The following FHIT variants were observed in gnomAD, a reference collection of about 807,000 sequenced individuals.
The protein encoded by FHIT is fragile histidine triad diadenosine triphosphatase, also known as bis(5'-adenosyl)-triphosphatase.
Under a neutral mutation model 17.9 loss-of-function variants are expected in FHIT, and 19 were observed. That is an observed-to-expected ratio of 1.06 (90% confidence interval 0.74 to 1.56). The LOEUF is 1.56. Ranked by LOEUF, FHIT falls within the 40% of genes most tolerant of loss-of-function variation. The pLI is 0.00. For missense variants in FHIT, 248 were observed against 189.2 expected (o/e 1.31, Z -1.82); for synonymous variants, 81 against 69.7 (o/e 1.16, Z -0.81).
chr3:59,904,124 A>G (rs1704469997), intron 8 of FHIT, among the ~76,000 whole-genome samples: 1 of 146,886 alleles, frequency 6.8e-6, no homozygotes. Context: ...TAAAGGGGCT[A>G]TTTCTTTATG....
chr3:59,985,733 T>C (rs914602113), intron 7 of FHIT, among the ~76,000 whole-genome samples: 2 of 152,180 alleles, frequency 1.3e-5, no homozygotes, highest in Middle Eastern at 3.4e-3. Flanking sequence ...GGTGAGCAAA[T>C]ATATGTGGCA....
chr3:60,669,495 CA>C (rs2040462843), intron 4 of FHIT, among the ~76,000 whole-genome samples: 1 of 152,204 alleles, frequency 6.6e-6, no homozygotes, highest in Non-Finnish European at 1.5e-5. Context: ...CTTGAACACA[CA>C]AACACACACA....
intron 5 of FHIT, among the ~76,000 whole-genome samples, chr3:60,464,289 A>T (rs1243652557): frequency 1.3e-5 from 2 of 152,184 alleles, no homozygotes; most frequent in Non-Finnish European, 2.9e-5. Context: ...ATTTTGATGC[A>T]GGAATACAAT....
intron 2 of FHIT, among the ~76,000 whole-genome samples, chr3:61,157,961 G>C (rs1248095419): frequency 6.6e-6 from 1 of 151,986 alleles, no homozygotes; most frequent in Admixed American, 6.6e-5. Flanking sequence ...TTTACTTGTT[G>C]GGTTTATGCC....
chr3:60,406,265 A>G (rs1216712844), intron 5 of FHIT, among the ~76,000 whole-genome samples: 1 of 152,224 alleles, frequency 6.6e-6, no homozygotes, highest in Non-Finnish European at 1.5e-5. Context: ...AATACTAAAA[A>G]CAATAAATTA....
chr3:61,161,759 T>C (rs2037702130), intron 2 of FHIT, among the ~76,000 whole-genome samples: 1 of 152,196 alleles, frequency 6.6e-6, no homozygotes, highest in South Asian at 2.1e-4. Flanking sequence ...AAAGACTCTC[T>C]AGCTAGAGGT....
chr3:60,439,159 T>G (rs1430947881), intron 5 of FHIT, among the ~76,000 whole-genome samples: 1 of 152,100 alleles, frequency 6.6e-6, no homozygotes, highest in Non-Finnish European at 1.5e-5. Context: ...TTTACTCCAC[T>G]TTGAAGGAAT....
intron 4 of FHIT, among the ~76,000 whole-genome samples, chr3:60,597,477 T>C (rs1460627965): frequency 6.6e-6 from 1 of 152,140 alleles, no homozygotes; most frequent in Non-Finnish European, 1.5e-5. Flanking sequence ...ACTCAGTTCT[T>C]ACCCGCTGTC....
intron 2 of FHIT, among the ~76,000 whole-genome samples, chr3:61,147,793 C>CTTA (rs926278856): frequency 1.3e-5 from 2 of 151,934 alleles, no homozygotes; most frequent in African/African-American, 4.8e-5. Context: ...ATCATGGCAA[C>CTTA]TTATTCATTT....
intron 5 of FHIT, among the ~76,000 whole-genome samples, chr3:60,180,138 A>T (rs1300894519): frequency 6.6e-6 from 1 of 152,222 alleles, no homozygotes; most frequent in Non-Finnish European, 1.5e-5. Context: ...TTATACAAAG[A>T]CTTGACAAAA....
intron 2 of FHIT, among the ~76,000 whole-genome samples, chr3:61,092,175 T>C (rs2035506979): frequency 6.6e-6 from 1 of 151,962 alleles, no homozygotes; most frequent in Non-Finnish European, 1.5e-5. Flanking sequence ...CTGCTTGGCC[T>C]GGGGAAGGCA....
In FHIT at chr3:60,973,368, T is replaced by A. The variant is rs1489376000; in HGVS notation, c.-111+68679A>T. 2.0e-5 allele frequency among the ~76,000 whole-genome samples: 3 copies of A among 152,208 alleles called. No individual in the cohort carries two copies. The East Asian group carries it at 5.8e-4, about 29-fold the overall frequency. ...CTGTGAGACACTGAGACTGCTACAA[T>A]ATCTGCTTTGCCATTTACTCCTGTA... On this transcript the variant is annotated intron_variant, in intron 3 of 9. Coordinates refer to ENST00000492590, the MANE Select transcript of FHIT (RefSeq NM_002012.4).
chr3:60,863,626 G>C (rs534169607), intron 3 of FHIT, among the ~76,000 whole-genome samples: 13 of 152,268 alleles, frequency 8.5e-5, no homozygotes, highest in African/African-American at 2.6e-4. Context: ...TCATTCATTT[G>C]TTAAAAATAT....
At chr3:60,974,490 C>T (rs549949318) in intron 3 of FHIT, among the ~76,000 whole-genome samples, 2 of 152,114 alleles carry the variant, frequency 1.3e-5, no homozygotes, top group South Asian at 4.1e-4. Context: ...TGGTTATCAC[C>T]ACGTAATGAA....
At chr3:59,841,820 G>T (rs1701544572) in intron 8 of FHIT, among the ~76,000 whole-genome samples, 1 of 152,128 alleles carries the variant, frequency 6.6e-6, no homozygotes, top group African/African-American at 2.4e-5. Flanking sequence ...AGACCTATGG[G>T]ATTAGCAGGG....
At chr3:60,847,626 G>A (rs1702976783) in intron 3 of FHIT, among the ~76,000 whole-genome samples, 1 of 152,046 alleles carries the variant, frequency 6.6e-6, no homozygotes, top group Non-Finnish European at 1.5e-5. Context: ...ACACCCACAA[G>A]CCCCTTTTAC....
chr3:59,935,471 T>C (rs1043461993), intron 7 of FHIT, among the ~76,000 whole-genome samples: 1 of 152,192 alleles, frequency 6.6e-6, no homozygotes, highest in African/African-American at 2.4e-5. Flanking sequence ...CATATGTCCA[T>C]GACAGCTTTT....
chr3:60,426,258 T>C (rs1374569845), intron 5 of FHIT, among the ~76,000 whole-genome samples: 2 of 152,102 alleles, frequency 1.3e-5, no homozygotes, highest in Non-Finnish European at 2.9e-5. Context: ...AAATAAGGCC[T>C]GGCATACAAT....
chr3:60,964,140 G>T (rs1464237110), intron 3 of FHIT, among the ~76,000 whole-genome samples: 1 of 152,114 alleles, frequency 6.6e-6, no homozygotes, highest in Non-Finnish European at 1.5e-5. Flanking sequence ...ATATATTTAG[G>T]ATAGTTAGCT....
Sources: allele counts gnomAD v4.1 joint callset (sites outside exome capture counted in the v4.1 genomes callset), GRCh38; gene constraint gnomAD v4.1.1; transcripts MANE v1.5; gene names NCBI Gene and HGNC (gene_info 2026-07-23, HGNC 2026-07-21).